The following PKHD1 variants were observed in gnomAD, a reference collection of about 807,000 sequenced individuals.
PKHD1 encodes PKHD1 ciliary IPT domain containing fibrocystin/polyductin.
A neutral mutation model predicts 412.0 loss-of-function variants in PKHD1; 291 were observed. That is an observed-to-expected ratio of 0.71 (90% CI 0.64 to 0.78). The LOEUF (loss-of-function observed/expected upper bound fraction) is 0.78, where lower values mean the gene tolerates loss of function less well. PKHD1 is among the 30% of genes least tolerant of loss of function. PKHD1 has a pLI of 0.00. For missense variants in PKHD1, 4,825 were observed against 4,950.7 expected (o/e 0.97, Z 0.76); for synonymous variants, 1,777 against 1,821.5 (o/e 0.98, Z 0.62).
At chr6:51,924,904 C>G (rs1785280937) in intron 37 of PKHD1, among the ~76,000 whole-genome samples, 1 of 152,228 alleles carries the variant, frequency 6.6e-6, no homozygotes, top group Non-Finnish European at 1.5e-5. Flanking sequence ...TGCTCAACAT[C>G]TGCCATTGTG....
chr6:52,017,982 C>T (rs370250160), intron 33 of PKHD1, among the ~76,000 whole-genome samples: 4 of 152,138 alleles, frequency 2.6e-5, no homozygotes, highest in East Asian at 1.9e-4. Flanking sequence ...TTATCACAAA[C>T]ATTTGTATTC....
intron 52 of PKHD1, among the ~76,000 whole-genome samples, chr6:51,800,395 C>A (rs570116602): frequency 9.9e-5 from 15 of 152,106 alleles, no homozygotes; most frequent in East Asian, 5.8e-4. Context: ...ACAACAACAA[C>A]AAAAAAGACT....
chr6:51,870,631 C>G lies in PKHD1; in HGVS notation c.7359G>C (p.Leu2453=), dbSNP rs1775827214. The change falls in exon 47 of 67, where the codon CTG becomes CTC. Residue 2453 remains leucine (L), a synonymous_variant. Transcript: ENST00000371117. The part of the protein sequence containing the change: ...LLGHFAHKGS[L]CMSSGIKTPK... ...GAGTTTTAATCCCAGATGACATACA[C>G]AGACTTCCCTGTGATTTAAAAGAAA... 1.9e-6 allele frequency: 3 copies of G among 1,609,090 alleles called. No individual in the cohort carries two copies. The highest frequency in any genetic ancestry group is 1.7e-5 in the Admixed American group (1 of 59,962).
intron 48 of PKHD1, among the ~76,000 whole-genome samples, chr6:51,860,658 C>G (rs754401822): frequency 1.3e-5 from 2 of 152,190 alleles, no homozygotes; most frequent in Non-Finnish European, 2.9e-5. Flanking sequence ...CAGGAGGCAA[C>G]CAGTCCATTT....
At chr6:51,667,887 T>A (rs926985208) in intron 60 of PKHD1, among the ~76,000 whole-genome samples, 2 of 151,964 alleles carry the variant, frequency 1.3e-5, no homozygotes, top group Admixed American at 1.3e-4. Context: ...AGGGCTCTGT[T>A]CTGTTCCATT....
At chr6:51,959,643 G>GA (rs1791695902) in intron 36 of PKHD1, among the ~76,000 whole-genome samples, 1 of 152,006 alleles carries the variant, frequency 6.6e-6, no homozygotes, top group Admixed American at 6.6e-5. Flanking sequence ...TCTTGTTTTT[G>GA]AAAAATTAAA....
At chr6:51,854,124 T>G (rs1772840800) in intron 49 of PKHD1, among the ~76,000 whole-genome samples, 1 of 152,090 alleles carries the variant, frequency 6.6e-6, no homozygotes, top group Non-Finnish European at 1.5e-5. Context: ...TTTGTTGTTT[T>G]TGTTGTTGTT....
In PKHD1 at chr6:51,868,164, T is replaced by C. The variant is rs1413242316; in HGVS notation, c.7487-55A>G. ...CACAATGGCACAAATAGCAACTAAA[T>C]TCACTGGAGTGATGGTCTTAGGATT... On this transcript the variant is annotated intron_variant, in intron 47 of 66. Transcript: ENST00000371117. 3.6e-6 allele frequency: 5 copies of C among 1,374,956 alleles called. No homozygotes were observed. In the African/African-American group the frequency reaches 4.3e-5, roughly 12 times the overall value. The allele number at this position is 1,374,956 out of a possible 1,614,324, so 85.2% of individuals were successfully genotyped here. A position where few individuals can be genotyped will look rare whatever the true frequency, so the allele number is the denominator to read the frequency against.
rs753436694 is a variant in PKHD1 at position 51,847,968 on chromosome 6, G to A, written c.7914C>T (p.Tyr2638=). 6.8e-6 allele frequency: 11 copies of A among 1,611,228 alleles called. No individual in the cohort carries two copies. The South Asian group carries it at 1.2e-4, about 18-fold the overall frequency. Residue 2638 remains tyrosine (Y), a splice_region_variant and synonymous_variant, in exon 50 of 67, where the codon TAC becomes TAT. Transcript: ENST00000371117. The part of the protein sequence containing the change: ...ENLWINRSLQ[Y]SATFDNFAPG... ...GAGCAAAGTTGTCAAAGGTTGCTGA[G>A]TACTTGAAGTGAAAGAAAAACACAA...
chr6:51,950,220 A>AAAAAAAAAATATATATAT lies in PKHD1; in HGVS notation c.5908+9649_5908+9650insATATATATATTTTTTTTT. 6.3e-3 allele frequency among the ~76,000 whole-genome samples: 616 copies of AAAAAAAAAATATATATAT among 98,094 alleles called. 2 individuals are homozygous for AAAAAAAAAATATATATAT. The highest frequency in any genetic ancestry group is 0.02 in the East Asian group (37 of 1,844). 64.4% of individuals were successfully genotyped at this position (98,094 alleles called of 152,430 possible). On this transcript the variant is annotated intron_variant, in intron 36 of 66. Transcript: ENST00000371117. ...AATGGGCAATATAGAGAAAAAAAAA[A>AAAAAAAAAATATATATAT]ATATATATATATATATATATGAAAT...
chr6:51,642,039 T>A (rs1261560687), intron 63 of PKHD1, among the ~76,000 whole-genome samples: 1 of 152,066 alleles, frequency 6.6e-6, no homozygotes, highest in Non-Finnish European at 1.5e-5. Context: ...GAACTTAAAG[T>A]ATAATAATAA....
Position 51,618,983 on chromosome 6 carries a change from T to C in PKHD1, c.*98A>G. The C allele has an allele frequency of 9.2e-7, 1 of 1,086,324 alleles. No homozygotes were observed. The highest frequency in any genetic ancestry group is 1.4e-6 in the Non-Finnish European group (1 of 703,296). 67.3% of individuals were successfully genotyped at this position (1,086,324 alleles called of 1,614,324 possible). A position where few individuals can be genotyped will look rare whatever the true frequency, so the allele number is the denominator to read the frequency against. Reference sequence around the variant, plus strand: ...ATTCAGAGTCCACATTCTCTCTTCTTAGTTGTCCCAGCAGGACAGTCCTCA... The same window carrying C: ...ATTCAGAGTCCACATTCTCTCTTCTCAGTTGTCCCAGCAGGACAGTCCTCA... On this transcript the variant is annotated 3_prime_UTR_variant, in exon 67 of 67. Coordinates refer to ENST00000371117, the MANE Select transcript of PKHD1 (RefSeq NM_138694.4).
intron 60 of PKHD1, among the ~76,000 whole-genome samples, chr6:51,677,542 A>G (rs1776041976): frequency 1.3e-5 from 2 of 152,198 alleles, no homozygotes; most frequent in Non-Finnish European, 1.5e-5. Flanking sequence ...CAATCTCGCC[A>G]AAGTTTTGTA....
At chr6:52,080,328 T>C (rs1477209452) in intron 4 of PKHD1, among the ~76,000 whole-genome samples, 1 of 152,324 alleles carries the variant, frequency 6.6e-6, no homozygotes, top group Middle Eastern at 3.4e-3. Context: ...ATTTCCATGT[T>C]TCAAAAAATG....
At chr6:52,086,117 A>G (rs921100144) in intron 1 of PKHD1, among the ~76,000 whole-genome samples, 23 of 146,532 alleles carry the variant, frequency 1.6e-4, no homozygotes, top group African/African-American at 5.2e-4. Context: ...GTGTGTGTGT[A>G]TGTGTGTGTG....
chr6:51,638,824 AT>A (rs751732902), intron 64 of PKHD1, 24 bp downstream of exon 64: 8 of 1,391,704 alleles, frequency 5.7e-6, no homozygotes, highest in South Asian at 1.2e-5. Context: ...AAAACACAGA[AT>A]AAAAGCACAC....
chr6:51,658,564 G>A (rs1420549091), intron 61 of PKHD1, among the ~76,000 whole-genome samples: 1 of 152,084 alleles, frequency 6.6e-6, no homozygotes, highest in African/African-American at 2.4e-5. Context: ...TGATATAGCA[G>A]TAGCAACAGA....
chr6:52,015,519 A>T (rs1800409629), intron 34 of PKHD1, among the ~76,000 whole-genome samples: 1 of 152,144 alleles, frequency 6.6e-6, no homozygotes, highest in African/African-American at 2.4e-5. Flanking sequence ...TATAATTCTT[A>T]CTCAAGAAAA....
In PKHD1 at chr6:51,791,266, T is replaced by C. The variant is rs137909186; in HGVS notation, c.8410A>G (p.Met2804Val). Residue 2804 changes from methionine (M) to valine (V), a missense_variant, in exon 53 of 67, where the codon ATG becomes GTG. Transcript: ENST00000371117. Reference protein sequence around the residue: ...DRSNVLSVACMVIAGGELKVG... With the variant: ...DRSNVLSVACVVIAGGELKVG... Reference sequence around the variant, plus strand: ...TTCAGCTCCCCGCCTGCAATGACCATGCATGCCACACTCAGAACATTGCTT... The same window carrying C: ...TTCAGCTCCCCGCCTGCAATGACCACGCATGCCACACTCAGAACATTGCTT... The C allele has an allele frequency of 3.3e-5, 54 of 1,613,838 alleles. No individual in the cohort carries two copies. Among genetic ancestry groups the C allele is most frequent in the Non-Finnish European group, 4.0e-5 (47 of 1,179,908 alleles).
Sources: gnomAD v4.1 joint callset for allele counts (sites outside exome capture counted in the v4.1 genomes callset) on GRCh38, gnomAD v4.1.1 for gene constraint, MANE v1.5 for transcripts, NCBI Gene and HGNC (gene_info 2026-07-23, HGNC 2026-07-21) for gene names.